The following NKAIN2 variants were observed in gnomAD, a reference collection of about 807,000 sequenced individuals.
NKAIN2 encodes sodium/potassium transporting ATPase interacting 2.
NKAIN2 carries 14 observed loss-of-function variants against 32.6 expected under a neutral mutation model. The observed-to-expected ratio is 0.43, with a 90% confidence interval of 0.28 to 0.67. The LOEUF (loss-of-function observed/expected upper bound fraction) is 0.67. Among genes scored for constraint, NKAIN2 ranks in the 30% least tolerant of loss-of-function variants. The pLI is 0.17. For missense variants in NKAIN2, 198 were observed against 258.3 expected (o/e 0.77, Z 1.60); for synonymous variants, 80 against 87.2 (o/e 0.92, Z 0.46).
intron 6 of NKAIN2, 66 bp downstream of exon 6, chr6:124,818,534 T>A (rs1781269257): frequency 1.5e-6 from 1 of 659,470 alleles, no homozygotes; most frequent in South Asian, 2.5e-5. Flanking sequence ...TGTATCACGA[T>A]ACAAAATTGA....
chr6:124,679,236 T>G (rs899158863), intron 4 of NKAIN2, among the ~76,000 whole-genome samples: 5 of 152,160 alleles, frequency 3.3e-5, no homozygotes, highest in African/African-American at 1.2e-4. Context: ...CTCTTGCCCA[T>G]TCTACCCTGA....
chr6:124,582,087 T>C (rs557096864), intron 3 of NKAIN2, among the ~76,000 whole-genome samples: 56 of 151,788 alleles, frequency 3.7e-4, no homozygotes, highest in Middle Eastern at 3.4e-3. Flanking sequence ...GTTGGTTTTT[T>C]TTTTGCGACG....
At chr6:124,711,203 G>A (rs1775433711) in intron 4 of NKAIN2, among the ~76,000 whole-genome samples, 1 of 124,446 alleles carries the variant, frequency 8.0e-6, no homozygotes, top group South Asian at 2.9e-4. Flanking sequence ...GAGATCCGCT[G>A]TTAGTCTGAT....
At chr6:124,359,218 C>T (rs1367818933) in intron 3 of NKAIN2, among the ~76,000 whole-genome samples, 2 of 152,004 alleles carry the variant, frequency 1.3e-5, no homozygotes, top group African/African-American at 4.8e-5. Flanking sequence ...ATGCCTCCAG[C>T]TTTGTTCTTT....
chr6:123,978,855 T>C (rs1401822217), intron 1 of NKAIN2, among the ~76,000 whole-genome samples: 1 of 152,210 alleles, frequency 6.6e-6, no homozygotes, highest in African/African-American at 2.4e-5. Flanking sequence ...TAAATAGTTA[T>C]GGACTGACTA....
At chr6:124,241,060 C>T (rs11760098) in intron 1 of NKAIN2, among the ~76,000 whole-genome samples, 11,540 of 152,164 alleles carry the variant, frequency 0.076, 469 homozygotes, top group Middle Eastern at 0.1. Context: ...GATACAAAAT[C>T]AATGTGCAAA....
intron 3 of NKAIN2, among the ~76,000 whole-genome samples, chr6:124,508,629 C>A (rs1211664620): frequency 6.6e-6 from 1 of 152,040 alleles, no homozygotes; most frequent in Non-Finnish European, 1.5e-5. Flanking sequence ...AGGTATGAGC[C>A]ACCACGCCTG....
chr6:124,248,193 A>T (rs1045639171), intron 1 of NKAIN2, among the ~76,000 whole-genome samples: 14 of 152,056 alleles, frequency 9.2e-5, no homozygotes, highest in African/African-American at 3.4e-4. Flanking sequence ...TGAATGATAG[A>T]TTAGGGTTCT....
At chr6:123,849,381 G>A (rs969427663) in intron 1 of NKAIN2, among the ~76,000 whole-genome samples, 2 of 152,202 alleles carry the variant, frequency 1.3e-5, no homozygotes, top group African/African-American at 4.8e-5. Flanking sequence ...CCAAGCAATG[G>A]TGAGAGATCC....
At chr6:124,140,167 G>A (rs187313727) in intron 1 of NKAIN2, among the ~76,000 whole-genome samples, 12 of 152,202 alleles carry the variant, frequency 7.9e-5, no homozygotes, top group Non-Finnish European at 1.5e-4. Context: ...TTCCCATTAG[G>A]CATCAATCTT....
At chr6:124,536,674 G>A (rs887119248) in intron 3 of NKAIN2, among the ~76,000 whole-genome samples, 11 of 152,118 alleles carry the variant, frequency 7.2e-5, no homozygotes, top group Admixed American at 5.2e-4. Flanking sequence ...AAGGGCTAGA[G>A]GCTGCTAGGC....
intron 1 of NKAIN2, among the ~76,000 whole-genome samples, chr6:123,902,909 A>G (rs1774673453): frequency 6.6e-6 from 1 of 152,232 alleles, no homozygotes. Context: ...ATTCACCATG[A>G]CTTAAAAATA....
chr6:123,983,991 T>C (rs1053201365), intron 1 of NKAIN2, among the ~76,000 whole-genome samples: 1 of 152,134 alleles, frequency 6.6e-6, no homozygotes, highest in Non-Finnish European at 1.5e-5. Flanking sequence ...CACTGCAACA[T>C]CCACCTCCCA....
At chr6:124,608,982 A>G (rs1365690844) in intron 3 of NKAIN2, among the ~76,000 whole-genome samples, 1 of 152,176 alleles carries the variant, frequency 6.6e-6, no homozygotes, top group Non-Finnish European at 1.5e-5. Context: ...GCTGAAAATC[A>G]GCTGTCTCTT....
chr6:124,136,203 A>G (rs1011136884), intron 1 of NKAIN2, among the ~76,000 whole-genome samples: 22 of 152,316 alleles, frequency 1.4e-4, no homozygotes, highest in African/African-American at 5.1e-4. Flanking sequence ...TACAACCAAT[A>G]CCACAGAAAT....
chr6:123,925,204 G>A (rs1775953670), intron 1 of NKAIN2, among the ~76,000 whole-genome samples: 1 of 152,090 alleles, frequency 6.6e-6, no homozygotes, highest in Non-Finnish European at 1.5e-5. Context: ...TGAAAAATAT[G>A]ACCTGCAGTA....
At chr6:124,630,002 A>G (rs560436900) in intron 3 of NKAIN2, among the ~76,000 whole-genome samples, 36 of 152,280 alleles carry the variant, frequency 2.4e-4, no homozygotes, top group Admixed American at 1.5e-3. Context: ...CCAAATCACA[A>G]TGGCACTAAG....
intron 1 of NKAIN2, among the ~76,000 whole-genome samples, chr6:124,119,975 G>A (rs968928921): frequency 4.6e-5 from 7 of 152,088 alleles, no homozygotes; most frequent in African/African-American, 1.7e-4. Flanking sequence ...TTCTTGTTAG[G>A]ATCCCAGAGT....
intron 3 of NKAIN2, among the ~76,000 whole-genome samples, chr6:124,536,746 C>G (rs1421436322): frequency 6.6e-6 from 1 of 152,190 alleles, no homozygotes; most frequent in African/African-American, 2.4e-5. Flanking sequence ...TGCTGCTTCT[C>G]AACGGATTTT....
Sources: allele counts gnomAD v4.1 joint callset (sites outside exome capture counted in the v4.1 genomes callset), GRCh38; gene constraint gnomAD v4.1.1; transcripts MANE v1.5; gene names NCBI Gene and HGNC (gene_info 2026-07-23, HGNC 2026-07-21).